The following INSL6 variants were observed in gnomAD, a reference collection of about 807,000 sequenced individuals.
INSL6 encodes insulin like 6.
In INSL6, 16 loss-of-function variants were observed where a neutral mutation model predicts 9.4. The ratio of observed to expected loss-of-function variants is 1.70; its 90% confidence interval spans 1.15 to 2.59. The LOEUF (loss-of-function observed/expected upper bound fraction) is 2.59. Ranked by LOEUF, INSL6 falls within the 30% of genes most tolerant of loss-of-function variation. INSL6 has a pLI of 0.00. For missense variants in INSL6, 391 were observed against 257.3 expected (o/e 1.52, Z -3.56); for synonymous variants, 154 against 96.9 (o/e 1.59, Z -3.46).
the INSL6 span, chr9:5,099,043 G>A: frequency 3.9e-5 from 6 of 152,060 alleles, no homozygotes; most frequent in Admixed American, 1.3e-4. Flanking sequence ...AAAACCAGGA[G>A]AACTTCGACT....
chr9:5,090,588 T>G, the INSL6 span: 7 of 1,553,474 alleles, frequency 4.5e-6, no homozygotes, highest in South Asian at 8.8e-5. Flanking sequence ...ATATCCTGAT[T>G]ATTTGCTGTA....
chr9:5,164,061 T>C lies in INSL6; in HGVS notation c.494A>G (p.His165Arg). ...TCCTCTGCGTTTTCTTTGGGGATGA[T>C]GCCCCCAAAACAAATTGCTTAAGGT... ...IKTLSNLFWG[H>R]HPQRKRRGYS... Residue 165 changes from histidine to arginine, a missense_variant, in exon 2 of 2, where the codon CAT becomes CGT. By Grantham distance (29) the His-to-Arg change is conservative (BLOSUM62 0). Coordinates refer to ENST00000381641, the MANE Select transcript of INSL6 (RefSeq NM_007179.3). 6.2e-7 allele frequency: 1 copy of C among 1,613,790 alleles called. No individual in the cohort carries two copies. Among genetic ancestry groups the C allele is most frequent in the Non-Finnish European group, 8.5e-7 (1 of 1,179,864 alleles).
At chr9:5,106,252 C>T in the INSL6 span, among the ~76,000 whole-genome samples, 1 of 152,222 alleles carries the variant, frequency 6.6e-6, no homozygotes. Flanking sequence ...TGAACAGACA[C>T]TTCTCAAAAG....
chr9:5,085,136 G>T, the INSL6 span: 1 of 647,224 alleles, frequency 1.5e-6, no homozygotes, highest in Middle Eastern at 2.6e-4. Flanking sequence ...CCATCACTCT[G>T]TAATACATAC....
chr9:5,002,129 G>T, the INSL6 span, among the ~76,000 whole-genome samples: 1 of 151,720 alleles, frequency 6.6e-6, no homozygotes, highest in Non-Finnish European at 1.5e-5. Context: ...TAAAAACAAA[G>T]TTTTGGTTTG....
chr9:5,111,374 C>T, the INSL6 span: 1 of 402,802 alleles, frequency 2.5e-6, no homozygotes, highest in Non-Finnish European at 4.8e-6. Flanking sequence ...CCTACGCCAG[C>T]AGCTCTGGCG....
chr9:5,056,735 A>G, the INSL6 span, among the ~76,000 whole-genome samples: 2 of 152,180 alleles, frequency 1.3e-5, no homozygotes, highest in African/African-American at 4.8e-5. Context: ...ATCAACCTCA[A>G]TGTGGATATA....
chr9:4,992,658 A>G, the INSL6 span, among the ~76,000 whole-genome samples: 1 of 152,186 alleles, frequency 6.6e-6, no homozygotes, highest in Non-Finnish European at 1.5e-5. Flanking sequence ...GTCCAGGTAC[A>G]GAATAGTTTT....
chr9:5,130,677 A>C (rs1824256751), intron 3 of INSL6, among the ~76,000 whole-genome samples: 1 of 151,732 alleles, frequency 6.6e-6, no homozygotes, highest in South Asian at 2.1e-4. Context: ...GGTATATATT[A>C]TGGAAACTCA....
At chr9:5,050,831 G>C in the INSL6 span, 1 of 1,612,416 alleles carries the variant, frequency 6.2e-7, no homozygotes, top group African/African-American at 1.3e-5. Flanking sequence ...AACTCTATCA[G>C]GTAATTTTCT....
chr9:5,032,485 G>C, the INSL6 span, among the ~76,000 whole-genome samples: 9 of 152,210 alleles, frequency 5.9e-5, no homozygotes, highest in Admixed American at 3.9e-4. Flanking sequence ...GCCTAACTGG[G>C]AGGCACCCCC....
At chr9:5,151,643 C>T (rs943695732) in intron 2 of INSL6, among the ~76,000 whole-genome samples, 5 of 151,242 alleles carry the variant, frequency 3.3e-5, no homozygotes, top group Non-Finnish European at 4.4e-5. Context: ...TCACCAAAAA[C>T]GAAAGTTTAA....
At chr9:5,081,738 A>G in the INSL6 span, 2 of 1,595,628 alleles carry the variant, frequency 1.3e-6, no homozygotes, top group African/African-American at 2.7e-5. Context: ...ATGAACTATT[A>G]ACAGAAAATG....
chr9:5,012,382 A>G, the INSL6 span, among the ~76,000 whole-genome samples: 13,467 of 152,152 alleles, frequency 0.089, 1,744 homozygotes, highest in African/African-American at 0.29. Flanking sequence ...ATATATTTTT[A>G]AAAAGTTTAT....
downstream of INSL6, among the ~76,000 whole-genome samples, chr9:5,119,023 G>C (rs1032163876): frequency 5.9e-5 from 9 of 152,016 alleles, no homozygotes; most frequent in African/African-American, 1.9e-4. Flanking sequence ...ATTCAGAAAA[G>C]TTTGAAAAAA....
At chr9:5,081,660 A>G in the INSL6 span, 5 of 1,146,106 alleles carry the variant, frequency 4.4e-6, no homozygotes, top group African/African-American at 3.1e-5. Context: ...ACTTGAATGT[A>G]TATCAGTTTA....
At chr9:5,178,076 T>C (rs1169783937) in intron 1 of INSL6, among the ~76,000 whole-genome samples, 2 of 152,162 alleles carry the variant, frequency 1.3e-5, no homozygotes, top group South Asian at 2.1e-4. Flanking sequence ...GGGTTTGCCA[T>C]GTTGCCCAAG....
chr9:5,022,044 A>G, the INSL6 span: 3 of 1,614,172 alleles, frequency 1.9e-6, no homozygotes, highest in Admixed American at 1.7e-5. Context: ...CCTCTTCTAT[A>G]TATCAGAATG....
chr9:5,116,073 AAC>A, the INSL6 span, among the ~76,000 whole-genome samples: 1 of 152,194 alleles, frequency 6.6e-6, no homozygotes, highest in Non-Finnish European at 1.5e-5. Context: ...TTAAAAAAAA[AAC>A]AGTGAACATT....
Sources: gnomAD v4.1 joint callset for allele counts (sites outside exome capture counted in the v4.1 genomes callset) on GRCh38, gnomAD v4.1.1 for gene constraint, MANE v1.5 for transcripts, NCBI Gene and HGNC (gene_info 2026-07-23, HGNC 2026-07-21) for gene names.